The following DLGAP2 variants were observed in gnomAD, a reference collection of about 807,000 sequenced individuals.
DLGAP2 encodes the protein disks large-associated protein 2.
Under a neutral mutation model 100.3 loss-of-function variants are expected in DLGAP2, and 26 were observed. The ratio of observed to expected loss-of-function variants is 0.26; its 90% confidence interval spans 0.19 to 0.36. DLGAP2 has a LOEUF of 0.36. Among genes scored for constraint, DLGAP2 ranks in the 10% least tolerant of loss-of-function variants. The probability of loss-of-function intolerance (pLI) is 1.00; values close to 1 mark genes in which losing one functional copy is unlikely to be tolerated. For synonymous variants in DLGAP2, 886 were observed against 630.1 expected (o/e 1.41, Z -6.08); for missense variants, 1,858 against 1,453.2 (o/e 1.28, Z -4.53).
intron 13 of DLGAP2, 59 bp downstream of exon 13, chr8:1,691,685 A>G (rs754513090): frequency 1.8e-4 from 244 of 1,351,536 alleles, no homozygotes; most frequent in Non-Finnish European, 2.4e-4. Flanking sequence ...GCATCATTCC[A>G]CAGATTCTCA....
At chr8:1,544,214 C>A (rs1352929134) in intron 4 of DLGAP2, among the ~76,000 whole-genome samples, 1 of 152,160 alleles carries the variant, frequency 6.6e-6, no homozygotes, top group African/African-American at 2.4e-5. Context: ...TCTTTTACCT[C>A]CTTGGTTAGG....
At chr8:1,501,498 C>G in intron 4 of DLGAP2, 67 bp downstream of exon 4, 1 of 1,462,474 alleles carries the variant, frequency 6.8e-7, no homozygotes, top group Non-Finnish European at 9.2e-7. Flanking sequence ...CCGGGCACCT[C>G]CCATCATGCG....
At chr8:781,825 T>C (rs940758783) in intron 1 of DLGAP2, among the ~76,000 whole-genome samples, 13 of 152,210 alleles carry the variant, frequency 8.5e-5, no homozygotes, top group Non-Finnish European at 1.5e-4. Flanking sequence ...CAACAACAAT[T>C]ATATAACCTA....
chr8:1,616,166 A>T (rs1191673960), intron 6 of DLGAP2, among the ~76,000 whole-genome samples: 1 of 152,210 alleles, frequency 6.6e-6, no homozygotes, highest in Admixed American at 6.5e-5. Flanking sequence ...AAAAAAGCTT[A>T]GTAATTTGAA....
intron 2 of DLGAP2, among the ~76,000 whole-genome samples, chr8:1,100,409 C>T (rs1226880495): frequency 6.6e-6 from 1 of 151,836 alleles, no homozygotes; most frequent in Non-Finnish European, 1.5e-5. Context: ...AACCTTTGTC[C>T]AGCATATCCA....
chr8:1,606,981 G>A (rs377641209), intron 6 of DLGAP2, among the ~76,000 whole-genome samples: 19 of 152,244 alleles, frequency 1.2e-4, no homozygotes, highest in South Asian at 1.2e-3. Context: ...CACAGCACCC[G>A]GCCTCCTGTA....
At chr8:1,187,416 G>A (rs148393693) in intron 2 of DLGAP2, among the ~76,000 whole-genome samples, 8,790 of 133,680 alleles carry the variant, frequency 0.066, 380 homozygotes, top group Middle Eastern at 0.1. Flanking sequence ...TCACACGCCC[G>A]GGACCTCCGT....
At position 1,358,106 on chromosome 8, in the gene DLGAP2, G is replaced by C. The variant is rs141857704; in HGVS notation, c.106+99223G>C. On this transcript the variant is annotated intron_variant, in intron 3 of 14. Coordinates refer to ENST00000637795, the MANE Select transcript of DLGAP2 (RefSeq NM_001346810.2). ...GCAGCCCCCTCCCAGGAGGAAGTTG[G>C]GTAGAAGTGAAGATTGTAAAATAAA... 2.0e-3 allele frequency among the ~76,000 whole-genome samples: 306 copies of C among 152,258 alleles called. 3 individuals carry two copies. The highest frequency in any genetic ancestry group is 7.2e-3 in the African/African-American group (298 of 41,544).
At chr8:1,275,259 A>G (rs1242997672) in intron 3 of DLGAP2, among the ~76,000 whole-genome samples, 3 of 152,118 alleles carry the variant, frequency 2.0e-5, no homozygotes, top group East Asian at 3.9e-4. Context: ...TCAGTCTACA[A>G]TTAAGTAACT....
chr8:1,130,264 G>A (rs1796262096), intron 2 of DLGAP2, among the ~76,000 whole-genome samples: 1 of 152,150 alleles, frequency 6.6e-6, no homozygotes, highest in Admixed American at 6.5e-5. Context: ...ATTTGGAGAA[G>A]GAGATGTTTG....
chr8:989,818 T>C (rs778037974), intron 2 of DLGAP2, among the ~76,000 whole-genome samples: 1 of 152,192 alleles, frequency 6.6e-6, no homozygotes, highest in Non-Finnish European at 1.5e-5. Context: ...TGCTAATGAC[T>C]GGCTATGTGG....
intron 1 of DLGAP2, among the ~76,000 whole-genome samples, chr8:794,609 C>G (rs192874065): frequency 1.6e-4 from 25 of 152,318 alleles, no homozygotes; most frequent in African/African-American, 5.1e-4. Context: ...AAGTGGTTTT[C>G]TACCCTGGGC....
At chr8:1,270,682 A>G (rs1158190823) in intron 3 of DLGAP2, among the ~76,000 whole-genome samples, 4 of 144,562 alleles carry the variant, frequency 2.8e-5, no homozygotes, top group Admixed American at 7.1e-5. Flanking sequence ...GTGTCTCTCT[A>G]TTTATGTCTC....
At chr8:818,350 C>T (rs1294973838) in intron 1 of DLGAP2, among the ~76,000 whole-genome samples, 1 of 152,330 alleles carries the variant, frequency 6.6e-6, no homozygotes. Flanking sequence ...GTCTAACTCC[C>T]ACCGTGCCCC....
At chr8:1,627,737 A>G (rs1009518007) in intron 7 of DLGAP2, among the ~76,000 whole-genome samples, 2 of 151,944 alleles carry the variant, frequency 1.3e-5, no homozygotes, top group Admixed American at 1.3e-4. Flanking sequence ...AGGGATTAAG[A>G]TCTTGAGCCG....
intron 3 of DLGAP2, among the ~76,000 whole-genome samples, chr8:1,370,703 C>T (rs1002445554): frequency 6.6e-6 from 1 of 152,210 alleles, no homozygotes; most frequent in African/African-American, 2.4e-5. Context: ...ACAACCGCTC[C>T]ACTCTTGCAT....
Position 1,298,405 on chromosome 8 carries a change from C to G in DLGAP2, c.106+39522C>G, listed in dbSNP as rs1322502382. ...CACTGTCGCCGTCCCTCAGTGGAGA[C>G]ACCAGGAAGCCCTGGATCACAGTGT... is the stretch of plus-strand genomic sequence containing the variant. On this transcript the variant is annotated intron_variant, in intron 3 of 14. Transcript: ENST00000637795. 7.2e-5 allele frequency among the ~76,000 whole-genome samples: 11 copies of G among 152,316 alleles called. No homozygotes were observed. The East Asian group carries it at 1.9e-3, about 27-fold the overall frequency.
rs371127232 is a variant in DLGAP2 at position 1,632,843 on chromosome 8, T to A, written c.1607T>A (p.Ile536Asn). The change falls in exon 8 of 15, where the codon ATC (isoleucine) becomes AAC (asparagine). Residue 536 changes from isoleucine (I) to asparagine (N), a missense_variant. Transcript: ENST00000637795. ...SCVSQVSEAE[I>N]NGQFESVCES... ...TGATTGCAGGTGAGCGAGGCGGAGA[T>A]CAATGGGCAATTCGAGTCCGTGTGC... 6.2e-7 allele frequency: 1 copy of A among 1,611,778 alleles called. No homozygotes were observed. Among genetic ancestry groups the A allele is most frequent in the Non-Finnish European group, 8.5e-7 (1 of 1,178,510 alleles).
At chr8:1,202,125 GTGTC>G (rs559809979) in intron 2 of DLGAP2, among the ~76,000 whole-genome samples, 67 of 148,996 alleles carry the variant, frequency 4.5e-4, no homozygotes, top group African/African-American at 1.7e-3. Flanking sequence ...GTGTATCTGT[GTGTC>G]TGTTGTGTGT....
Sources: gnomAD v4.1 joint callset for allele counts (sites outside exome capture counted in the v4.1 genomes callset) on GRCh38, gnomAD v4.1.1 for gene constraint, MANE v1.5 for transcripts, NCBI Gene and HGNC (gene_info 2026-07-23, HGNC 2026-07-21) for gene names.